NXNL2: variants seen among roughly 807,000 people sequenced by gnomAD.
NXNL2 encodes nucleoredoxin-like protein 2.
Under a neutral mutation model 11.1 loss-of-function variants are expected in NXNL2, and 7 were observed. The ratio of observed to expected loss-of-function variants is 0.63; its 90% CI spans 0.36 to 1.18. The LOEUF (loss-of-function observed/expected upper bound fraction) is 1.18, where lower values mean the gene tolerates loss of function less well. Among genes scored for constraint, NXNL2 ranks in the 50% most tolerant of loss-of-function variants. The probability of loss-of-function intolerance (pLI) is 0.02; values close to 1 mark genes in which losing one functional copy is unlikely to be tolerated. For missense variants in NXNL2, 233 were observed against 217.7 expected, an observed-to-expected ratio of 1.07 and a Z score of -0.44; for synonymous variants, 109 against 101.8, an observed-to-expected ratio of 1.07 and a Z score of -0.42.
At chr9:88,554,563 G>T (rs1413992224) in intron 1 of NXNL2, among the ~76,000 whole-genome samples, 1 of 152,160 alleles carries the variant, frequency 6.6e-6, no homozygotes, top group Admixed American at 6.5e-5. Flanking sequence ...GGTGCCTTTG[G>T]CAGGGAATGA....
intron 1 of NXNL2, among the ~76,000 whole-genome samples, chr9:88,555,240 G>A (rs900649343): frequency 6.6e-6 from 1 of 152,212 alleles, no homozygotes. Context: ...CCTCAGGGCT[G>A]CTGGTTGGCT....
intron 1 of NXNL2, among the ~76,000 whole-genome samples, chr9:88,583,554 C>T (rs1830431626): frequency 6.6e-6 from 1 of 152,172 alleles, no homozygotes; most frequent in Non-Finnish European, 1.5e-5. Flanking sequence ...GCTTTGGGGG[C>T]ATGAAATCTT....
In NXNL2 at chr9:88,535,356, G is replaced by C; in HGVS notation, c.-79G>C. 1 of 1,390,732 alleles carries C rather than the reference G, an allele frequency of 7.2e-7. No homozygotes were observed. 86.1% of individuals were successfully genotyped at this position (1,390,732 alleles called of 1,614,324 possible). On this transcript the variant is annotated 5_prime_UTR_variant, in exon 1 of 2. Coordinates refer to ENST00000375854, the MANE Select transcript of NXNL2 (RefSeq NM_001161625.2). Reference sequence around the variant, plus strand: ...GGTGCGGACAGAGGCGGGGCACCGCGGCGCTCGCCGCCGCCTCCCCGCAGG... The same window carrying C: ...GGTGCGGACAGAGGCGGGGCACCGCCGCGCTCGCCGCCGCCTCCCCGCAGG...
At chr9:88,566,951 C>G (rs1005015226) in intron 1 of NXNL2, among the ~76,000 whole-genome samples, 2 of 150,578 alleles carry the variant, frequency 1.3e-5, no homozygotes, top group Non-Finnish European at 2.9e-5. Flanking sequence ...CATTTCTAAT[C>G]TATCATCTTT....
At chr9:88,581,912 T>C (rs1587859624) in intron 1 of NXNL2, among the ~76,000 whole-genome samples, 1 of 152,224 alleles carries the variant, frequency 6.6e-6, no homozygotes, top group East Asian at 1.9e-4. Context: ...AGCCTAACCA[T>C]GGGCAAGATG....
chr9:88,569,073 T>C (rs1237311140), intron 1 of NXNL2, among the ~76,000 whole-genome samples: 2 of 152,124 alleles, frequency 1.3e-5, no homozygotes, highest in African/African-American at 4.8e-5. Flanking sequence ...AATACAGGCA[T>C]GCACCGCCAC....
At position 88,536,093 on chromosome 9, in the gene NXNL2, G is replaced by A. The variant is rs183435782; in HGVS notation, c.302+357G>A. Among the ~76,000 whole-genome samples the A allele has an allele frequency of 2.1e-4, 32 of 152,258 alleles. No homozygotes were observed. In the East Asian group the frequency reaches 4.3e-3, roughly 20 times the overall value. Reference sequence around the variant, plus strand: ...GTTCGCGGGCTCGGCTCCGGGAACCGCCGGCCCAATCAGCCCTGGACTCCC... The same window carrying A: ...GTTCGCGGGCTCGGCTCCGGGAACCACCGGCCCAATCAGCCCTGGACTCCC... On this transcript the variant is annotated intron_variant, in intron 1 of 1. Transcript: ENST00000375854.
rs71507764 is a variant in NXNL2 at position 88,540,935 on chromosome 9, A to ATTTT, written c.303-3420_303-3417dup. ...CTTTTTCCTTGCTCAATCTCAGTAGATTTTTTTTTTTTTTTTTTTTTTTTT... is the reference window on the plus strand; with the variant it reads ...CTTTTTCCTTGCTCAATCTCAGTAGATTTTTTTTTTTTTTTTTTTTTTTTTTTTT... On this transcript the variant is annotated intron_variant, in intron 1 of 1. Transcript: ENST00000375854. Among the ~76,000 whole-genome samples, 290 of 91,056 alleles carry ATTTT rather than the reference A, an allele frequency of 3.2e-3. 49 individuals carry two copies. The highest frequency in any genetic ancestry group is 0.014 in the African/African-American group (278 of 20,174). The allele number at this position is 91,056 out of a possible 152,430, so 59.7% of individuals were successfully genotyped here.
intron 1 of NXNL2, among the ~76,000 whole-genome samples, chr9:88,566,919 T>C (rs1396600953): frequency 6.6e-6 from 1 of 152,172 alleles, no homozygotes; most frequent in Non-Finnish European, 1.5e-5. Context: ...TCTATCTATC[T>C]ATCTATCTAA....
chr9:88,563,051 G>A (rs1351999391), intron 1 of NXNL2, among the ~76,000 whole-genome samples: 1 of 152,114 alleles, frequency 6.6e-6, no homozygotes, highest in African/African-American at 2.4e-5. Flanking sequence ...TCATGCCACT[G>A]CAATCCAGCC....
chr9:88,577,185 G>A (rs955656079), downstream of NXNL2, among the ~76,000 whole-genome samples: 5 of 152,168 alleles, frequency 3.3e-5, no homozygotes, highest in Admixed American at 1.3e-4. Context: ...AGGGTTAAAA[G>A]TGCATGTATT....
At chr9:88,579,292 G>A (rs993039635), downstream of NXNL2, among the ~76,000 whole-genome samples, 6 of 152,180 alleles carry the variant, frequency 3.9e-5, no homozygotes, top group African/African-American at 9.7e-5. Flanking sequence ...CCTGCAATCC[G>A]GAATGCCTGA....
rs1449338841 is a variant in NXNL2 at position 88,544,685 on chromosome 9, C to T, written c.*138C>T. 8 of 1,413,918 alleles carry T rather than the reference C, an allele frequency of 5.7e-6. No homozygotes were observed. In the East Asian group the frequency reaches 1.6e-4, roughly 28 times the overall value. 87.6% of individuals were successfully genotyped at this position (1,413,918 alleles called of 1,614,324 possible). On this transcript the variant is annotated 3_prime_UTR_variant, in exon 2 of 2. Transcript: ENST00000375854. ...CAGAGCAGAAGCACTAAGCTGTGGT[C>T]AAAAAGCAACTATTGCTCAGGAAAT... is the stretch of plus-strand genomic sequence containing the variant.
intron 1 of NXNL2, among the ~76,000 whole-genome samples, chr9:88,554,598 C>T (rs974387959): frequency 3.3e-5 from 5 of 152,160 alleles, no homozygotes; most frequent in Non-Finnish European, 7.3e-5. Context: ...TTGATAATAA[C>T]CATCTGCTGG....
At chr9:88,548,033 A>G (rs1349582233), downstream of NXNL2, among the ~76,000 whole-genome samples, 2 of 146,470 alleles carry the variant, frequency 1.4e-5, no homozygotes, top group African/African-American at 5.1e-5. Context: ...AAAAATAAAG[A>G]AAAAAGAATG....
At chr9:88,574,581 A>G (rs530238521) in intron 2 of NXNL2, among the ~76,000 whole-genome samples, 3 of 152,352 alleles carry the variant, frequency 2.0e-5, no homozygotes, top group African/African-American at 4.8e-5. Context: ...GCAATTAGAT[A>G]TGCATTTATG....
chr9:88,537,891 G>A (rs567000028), intron 1 of NXNL2, among the ~76,000 whole-genome samples: 283 of 152,284 alleles, frequency 1.9e-3, no homozygotes, highest in Non-Finnish European at 3.2e-3. Flanking sequence ...ACTAGAGTCA[G>A]GAGTTGCCAT....
Position 88,535,651 on chromosome 9 carries a change from G to A in NXNL2, c.217G>A (p.Asp73Asn). ...APFEVVFVSA[D>N]GSSQEMLDFM... The stretch of plus-strand genomic sequence containing the variant: ...CTTCGAAGTGGTCTTCGTGTCAGCC[G>A]ACGGCAGCTCCCAGGAGATGCTGGA... The change falls in exon 1 of 2, where the codon GAC becomes AAC. Residue 73 changes from aspartate (D) to asparagine (N), a missense_variant. Transcript: ENST00000375854. 6.2e-7 allele frequency: 1 copy of A among 1,608,622 alleles called. No homozygotes were observed. Among genetic ancestry groups the A allele is most frequent in the Non-Finnish European group, 8.5e-7 (1 of 1,179,356 alleles).
At chr9:88,583,085 G>A (rs1326455187) in intron 1 of NXNL2, among the ~76,000 whole-genome samples, 1 of 152,178 alleles carries the variant, frequency 6.6e-6, no homozygotes, top group Non-Finnish European at 1.5e-5. Flanking sequence ...CCAGTGGGCA[G>A]CCAGGCAGCT....
Sources: gnomAD v4.1 joint callset for allele counts (sites outside exome capture counted in the v4.1 genomes callset) on GRCh38, gnomAD v4.1.1 for gene constraint, MANE v1.5 for transcripts, NCBI Gene and HGNC (gene_info 2026-07-23, HGNC 2026-07-21) for gene names.